RTL4: variants seen among roughly 807,000 people sequenced by gnomAD.
RTL4 encodes the protein retrotransposon Gag-like protein 4.
Under a neutral mutation model 5.3 loss-of-function variants are expected in RTL4, and 4 were observed. The observed-to-expected ratio is 0.75, with a 90% CI of 0.37 to 1.72. The LOEUF is 1.72. RTL4 is among the 40% of genes most tolerant of loss of function. The pLI, the probability that RTL4 is intolerant of heterozygous loss-of-function variation, is 0.04. For missense variants in RTL4, 260 were observed against 227.1 expected (o/e 1.14, Z -0.93); for synonymous variants, 98 against 87.3 (o/e 1.12, Z -0.68).
chrX:112,327,551 G>C, the RTL4 span, among the ~76,000 whole-genome samples: 1 of 108,654 alleles, frequency 9.2e-6, no homozygotes. Flanking sequence ...GAAAGTGACG[G>C]GGAGAATGGA....
chrX:112,230,864 C>T, the RTL4 span, among the ~76,000 whole-genome samples: 1 of 111,591 alleles, frequency 9.0e-6, no homozygotes, highest in South Asian at 3.8e-4. Flanking sequence ...CTACAATGAA[C>T]TCAAACAAAT....
chrX:112,122,131 C>T, the RTL4 span, among the ~76,000 whole-genome samples: 1 of 110,931 alleles, frequency 9.0e-6, no homozygotes, highest in Non-Finnish European at 1.9e-5. Flanking sequence ...ATCTGCACTC[C>T]CATGTGTTTT....
the RTL4 span, among the ~76,000 whole-genome samples, chrX:112,103,284 C>T: frequency 8.1e-5 from 9 of 111,171 alleles, no homozygotes; most frequent in African/African-American, 2.0e-4. Context: ...ATGGATTGAG[C>T]TGGGAGCCAT....
At chrX:112,252,514 T>C in the RTL4 span, among the ~76,000 whole-genome samples, 6 of 111,879 alleles carry the variant, frequency 5.4e-5, 1 homozygote, top group African/African-American at 2.0e-4. Context: ...TGTGAGAATG[T>C]GGAGGGTGGA....
the RTL4 span, among the ~76,000 whole-genome samples, chrX:112,448,902 C>A: frequency 1.8e-5 from 2 of 112,092 alleles, no homozygotes; most frequent in East Asian, 5.6e-4. Context: ...TCTCTGTACA[C>A]ACAGACCATG....
chrX:112,101,215 C>A, the RTL4 span, among the ~76,000 whole-genome samples: 3 of 110,996 alleles, frequency 2.7e-5, no homozygotes, highest in Non-Finnish European at 5.7e-5. Context: ...TCAGGCTAGA[C>A]ATTAAAATCC....
At chrX:112,280,044 G>C in the RTL4 span, among the ~76,000 whole-genome samples, 1 of 111,163 alleles carries the variant, frequency 9.0e-6, no homozygotes, top group African/African-American at 3.3e-5. Context: ...GTTTTTGGTG[G>C]GTAGGGAAAA....
chrX:112,104,164 G>A, the RTL4 span, among the ~76,000 whole-genome samples: 2 of 111,790 alleles, frequency 1.8e-5, no homozygotes, highest in Non-Finnish European at 3.8e-5. Context: ...GTCTTTCTGT[G>A]CCTAGCTTAT....
chrX:112,146,867 T>TATC, the RTL4 span, among the ~76,000 whole-genome samples: 349 of 105,996 alleles, frequency 3.3e-3, 5 homozygotes, highest in African/African-American at 0.011. Context: ...TTATTATCAC[T>TATC]ATCATCATCA....
chrX:112,393,740 AGGTGCAATGCTGCTACCTGT>A, the RTL4 span, among the ~76,000 whole-genome samples: 1 of 111,890 alleles, frequency 8.9e-6, no homozygotes, highest in Non-Finnish European at 1.9e-5. Flanking sequence ...CGTCTCAGGG[AGGTGCAATGCTGCTACCTGT>A]GGCTGGCTGG....
chrX:112,323,386 C>A, the RTL4 span, among the ~76,000 whole-genome samples: 1 of 111,365 alleles, frequency 9.0e-6, no homozygotes, highest in South Asian at 3.8e-4. Flanking sequence ...TGTGTAATAA[C>A]CTTGTGTCTT....
the RTL4 span, among the ~76,000 whole-genome samples, chrX:112,329,534 A>G: frequency 2.7e-5 from 3 of 110,764 alleles, no homozygotes; most frequent in African/African-American, 9.8e-5. Context: ...ACCAACCAAA[A>G]TGAGTCCAGG....
chrX:112,353,334 C>A, the RTL4 span, among the ~76,000 whole-genome samples: 1 of 111,316 alleles, frequency 9.0e-6, no homozygotes, highest in Non-Finnish European at 1.9e-5. Flanking sequence ...TATTACTGGG[C>A]ATATACCCAA....
chrX:112,186,284 C>T, the RTL4 span, among the ~76,000 whole-genome samples: 1 of 112,117 alleles, frequency 8.9e-6, no homozygotes, highest in African/African-American at 3.2e-5. Flanking sequence ...TTTTGGGAAA[C>T]ATAGCTCCAG....
the RTL4 span, among the ~76,000 whole-genome samples, chrX:112,090,338 G>T: frequency 9.0e-6 from 1 of 110,948 alleles, no homozygotes; most frequent in Admixed American, 9.6e-5. Context: ...TAGGGGAAAA[G>T]ATTTAAATTT....
At chrX:112,388,174 C>G in the RTL4 span, among the ~76,000 whole-genome samples, 3 of 111,908 alleles carry the variant, frequency 2.7e-5, no homozygotes, top group African/African-American at 9.7e-5. Context: ...ATTTTTGTGG[C>G]AATTATGAAC....
the RTL4 span, among the ~76,000 whole-genome samples, chrX:112,366,047 G>A: frequency 2.5e-3 from 280 of 110,962 alleles, 1 homozygote; most frequent in African/African-American, 8.9e-3. Flanking sequence ...AGTAGCCCAT[G>A]GGTATTGTCA....
the RTL4 span, among the ~76,000 whole-genome samples, chrX:112,312,931 C>A: frequency 1.8e-5 from 2 of 110,682 alleles, no homozygotes; most frequent in Admixed American, 2.0e-4. Flanking sequence ...TATCCAGATT[C>A]TACATCAAAA....
the RTL4 span, among the ~76,000 whole-genome samples, chrX:112,236,416 T>G: frequency 3.3e-4 from 19 of 58,351 alleles, no homozygotes; most frequent in Non-Finnish European, 5.9e-4. Context: ...TATAGATCTA[T>G]ATCTATATAT....
Sources: allele counts gnomAD v4.1 joint callset (sites outside exome capture counted in the v4.1 genomes callset), GRCh38; gene constraint gnomAD v4.1.1; transcripts MANE v1.5; gene names NCBI Gene and HGNC (gene_info 2026-07-23, HGNC 2026-07-21).